Variants in CLNK observed in about 807,000 individuals in gnomAD.
CLNK encodes the protein cytokine dependent hematopoietic cell linker, also known as cytokine-dependent hematopoietic cell linker.
CLNK carries 74 observed loss-of-function variants against 68.6 expected under a neutral mutation model. The ratio of observed to expected loss-of-function variants is 1.08; its 90% CI spans 0.89 to 1.31. The LOEUF is 1.31. Among genes scored for constraint, CLNK ranks in the 50% most tolerant of loss-of-function variants. The pLI, the probability that CLNK is intolerant of heterozygous loss-of-function variation, is 0.00. For synonymous variants in CLNK, 198 were observed against 172.2 expected, an observed-to-expected ratio of 1.15 and a Z score of -1.17; for missense variants, 553 against 515.3, an observed-to-expected ratio of 1.07 and a Z score of -0.71.
chr4:10,512,691 C>T (rs944004088), intron 16 of CLNK, among the ~76,000 whole-genome samples: 28 of 151,984 alleles, frequency 1.8e-4, no homozygotes, highest in African/African-American at 4.6e-4. Context: ...GAAATCTTCA[C>T]GAACTCTGTA....
chr4:10,650,426 G>GA (rs1456747136), intron 2 of CLNK, among the ~76,000 whole-genome samples: 1 of 151,944 alleles, frequency 6.6e-6, no homozygotes, highest in East Asian at 1.9e-4. Context: ...GGTTAAATAA[G>GA]AAAAAACTCA....
chr4:10,647,756 T>C (rs1418782188), intron 2 of CLNK, among the ~76,000 whole-genome samples: 54 of 152,102 alleles, frequency 3.6e-4, no homozygotes, highest in Non-Finnish European at 1.5e-4. Context: ...GAAAACAAAC[T>C]GTAAAAAAAA....
chr4:10,598,056 TGAA>T lies in CLNK; in HGVS notation c.12-10_12-8del. On this transcript the variant is annotated splice_region_variant and splice_polypyrimidine_tract_variant and intron_variant, in intron 2 of 18. Transcript: ENST00000226951. ...AGTTGTCTTTCTATTGCCCCTGGGATGAAAGAAAATAAATTATAGCTGGGAAAT... is the reference window on the plus strand; with the variant it reads ...AGTTGTCTTTCTATTGCCCCTGGGATAGAAAATAAATTATAGCTGGGAAAT... 6.4e-7 allele frequency: 1 copy of T among 1,556,764 alleles called. No individual in the cohort carries two copies. Among genetic ancestry groups the T allele is most frequent in the South Asian group, 1.2e-5 (1 of 83,998 alleles).
At chr4:10,714,627 T>G in the CLNK span, among the ~76,000 whole-genome samples, 1 of 152,098 alleles carries the variant, frequency 6.6e-6, no homozygotes, top group Non-Finnish European at 1.5e-5. Context: ...GTATATATAT[T>G]CTGTGGTCCT....
intron 2 of CLNK, among the ~76,000 whole-genome samples, chr4:10,617,412 G>GAAAAAAA (rs1577171237): frequency 6.6e-6 from 1 of 152,110 alleles, no homozygotes; most frequent in Admixed American, 6.5e-5. Flanking sequence ...CAAAAGGGGA[G>GAAAAAAA]AAAAAAATTC....
the CLNK span, among the ~76,000 whole-genome samples, chr4:10,695,182 A>G: frequency 2.0e-5 from 3 of 152,312 alleles, no homozygotes; most frequent in Admixed American, 6.5e-5. Flanking sequence ...TACATTCTAA[A>G]TGTTTCCATC....
intron 1 of CLNK, among the ~76,000 whole-genome samples, chr4:10,668,206 C>T (rs1301928121): frequency 1.3e-5 from 2 of 152,150 alleles, no homozygotes; most frequent in East Asian, 1.9e-4. Flanking sequence ...GTGTGCTTCC[C>T]CTGGGCACCG....
chr4:10,520,941 C>T, intron 14 of CLNK, 110 bp from the exon 15 acceptor site: 1 of 780,056 alleles, frequency 1.3e-6, no homozygotes, highest in Non-Finnish European at 2.2e-6. Flanking sequence ...AGTTATAAAG[C>T]ACTTTATATT....
chr4:10,581,344 TAC>T (rs779225545), intron 4 of CLNK, among the ~76,000 whole-genome samples: 45 of 151,586 alleles, frequency 3.0e-4, no homozygotes, highest in African/African-American at 5.3e-4. Context: ...TACATATACA[TAC>T]ACACACACAC....
intron 1 of CLNK, among the ~76,000 whole-genome samples, chr4:10,671,574 A>G (rs1232172694): frequency 1.3e-5 from 2 of 152,242 alleles, no homozygotes; most frequent in Admixed American, 6.5e-5. Flanking sequence ...CGTGCAAAGG[A>G]TGTGGTGAAG....
upstream of CLNK, among the ~76,000 whole-genome samples, chr4:10,687,921 A>C (rs1390386153): frequency 2.6e-5 from 4 of 152,228 alleles, no homozygotes; most frequent in East Asian, 5.8e-4. Context: ...CTTAACAAGA[A>C]GTATAAATCC....
chr4:10,528,438 A>C (rs1718407450), intron 12 of CLNK, among the ~76,000 whole-genome samples: 1 of 152,220 alleles, frequency 6.6e-6, no homozygotes, highest in African/African-American at 2.4e-5. Context: ...CTTTTCTAAG[A>C]TACAACCTGA....
intron 11 of CLNK, 130 bp downstream of exon 11, chr4:10,540,364 G>C: frequency 1.5e-6 from 1 of 654,772 alleles, no homozygotes; most frequent in South Asian, 1.9e-5. Flanking sequence ...TTATGTCTTT[G>C]AATGGACCAA....
chr4:10,598,647 C>T, intron 2 of CLNK: 1 of 443,708 alleles, frequency 2.3e-6, no homozygotes, highest in South Asian at 1.6e-5. Flanking sequence ...AAGAGATTAA[C>T]TTATTTTTCA....
intron 1 of CLNK, among the ~76,000 whole-genome samples, chr4:10,675,393 C>A (rs569137259): frequency 3.3e-5 from 5 of 152,054 alleles, no homozygotes; most frequent in African/African-American, 7.2e-5. Flanking sequence ...TGTCTTAATT[C>A]AAAAATAATT....
chr4:10,621,585 C>A (rs1484828481), intron 2 of CLNK, among the ~76,000 whole-genome samples: 1 of 152,114 alleles, frequency 6.6e-6, no homozygotes, highest in African/African-American at 2.4e-5. Context: ...GAATCTGCAG[C>A]CCTTGAATTA....
In CLNK at chr4:10,566,100, A is replaced by G; in HGVS notation, c.201T>C (p.Asp67=). The G allele has an allele frequency of 6.2e-7, 1 of 1,613,926 alleles. No individual in the cohort carries two copies. The highest frequency in any genetic ancestry group is 2.2e-5 in the East Asian group (1 of 44,874). ...TCCGAAGCTCAGGGTCATCATAGTC[A>G]TCATCACTGTGGCCTTTTGCTCCAT... The part of the protein sequence containing the change: ...VLDGAKGHSD[D]DYDDPELRME... The change falls in exon 6 of 19, where the codon GAT becomes GAC. Residue 67 remains aspartate, a synonymous_variant. Transcript: ENST00000226951.
intron 17 of CLNK, among the ~76,000 whole-genome samples, chr4:10,507,053 C>G (rs1717328807): frequency 6.6e-6 from 1 of 152,030 alleles, no homozygotes; most frequent in Non-Finnish European, 1.5e-5. Context: ...GAGCCGCCTG[C>G]CTCGGCCTCC....
chr4:10,499,052 A>G (rs1235947464), intron 18 of CLNK, among the ~76,000 whole-genome samples: 2 of 139,744 alleles, frequency 1.4e-5, no homozygotes, highest in African/African-American at 5.3e-5. Context: ...AGTACCAGGC[A>G]TTATCAGTAC....
Sources: allele counts gnomAD v4.1 joint callset (sites outside exome capture counted in the v4.1 genomes callset), GRCh38; gene constraint gnomAD v4.1.1; transcripts MANE v1.5; gene names NCBI Gene and HGNC (gene_info 2026-07-23, HGNC 2026-07-21).